Variants in LACTB2 observed in about 807,000 individuals in gnomAD.
The protein encoded by LACTB2 is endoribonuclease LACTB2.
Under a neutral mutation model 34.8 loss-of-function variants are expected in LACTB2, and 32 were observed. The ratio of observed to expected loss-of-function variants is 0.92; its 90% CI spans 0.69 to 1.24. The LOEUF (loss-of-function observed/expected upper bound fraction) is 1.24, where lower values mean the gene tolerates loss of function less well. Ranked by LOEUF, LACTB2 falls within the 50% of genes most tolerant of loss-of-function variation. LACTB2 has a pLI of 0.00. For synonymous variants in LACTB2, 120 were observed against 117.5 expected (o/e 1.02, Z -0.14); for missense variants, 320 against 345.0 (o/e 0.93, Z 0.57).
At chr8:70,665,078 TC>T (rs1818521144) in intron 1 of LACTB2, among the ~76,000 whole-genome samples, 1 of 152,210 alleles carries the variant, frequency 6.6e-6, no homozygotes, top group South Asian at 2.1e-4. Context: ...TATCAGTTTC[TC>T]CCTTAGCAAA....
At position 70,650,751 on chromosome 8, in the gene LACTB2, A is replaced by G. The variant is rs1042770645; in HGVS notation, c.414-6508T>C. ...ACTCCATCTCAAAAAAAAAAAAAAA[A>G]AAAAAAAGAAAAAAAAAGAAACAGA... On this transcript the variant is annotated intron_variant, in intron 3 of 6. Coordinates refer to ENST00000276590, the MANE Select transcript of LACTB2 (RefSeq NM_016027.3). 1.3e-4 allele frequency among the ~76,000 whole-genome samples: 19 copies of G among 148,788 alleles called. No homozygotes were observed. In the East Asian group the frequency reaches 2.7e-3, roughly 21 times the overall value.
In LACTB2 at chr8:70,637,904, C is replaced by A; in HGVS notation, c.824-1G>T. 1.3e-6 allele frequency: 2 copies of A among 1,530,090 alleles called. No homozygotes were observed. The highest frequency in any genetic ancestry group is 1.9e-5 in the Admixed American group (1 of 51,582). The allele number at this position is 1,530,090 out of a possible 1,614,324, so 94.8% of individuals were successfully genotyped here. On this transcript the variant is annotated splice_acceptor_variant, in intron 6 of 6. Coordinates refer to ENST00000276590, the MANE Select transcript of LACTB2 (RefSeq NM_016027.3). LOFTEE classifies it high-confidence loss of function. Reference sequence around the variant, plus strand: ...TTCTTGTCAGGATCTGTGTTGCTAACTGTAAAAAGAAAATCAGAGAGTAAA... The same window carrying A: ...TTCTTGTCAGGATCTGTGTTGCTAAATGTAAAAAGAAAATCAGAGAGTAAA...
At chr8:70,650,198 A>G (rs1818321143) in intron 3 of LACTB2, among the ~76,000 whole-genome samples, 1 of 152,162 alleles carries the variant, frequency 6.6e-6, no homozygotes, top group African/African-American at 2.4e-5. Flanking sequence ...TTAATTTAGA[A>G]TACAAAACTC....
chr8:70,653,055 A>G (rs1388418754), intron 3 of LACTB2, among the ~76,000 whole-genome samples: 2 of 152,132 alleles, frequency 1.3e-5, no homozygotes, highest in Non-Finnish European at 2.9e-5. Flanking sequence ...GTAATATAAC[A>G]TTTGTTTTCC....
chr8:70,660,445 T>C (rs543493501), intron 2 of LACTB2: 2 of 367,424 alleles, frequency 5.4e-6, no homozygotes, highest in Non-Finnish European at 1.1e-5. Context: ...TTTTTATAAC[T>C]GGCAGCCTGG....
intron 2 of LACTB2, among the ~76,000 whole-genome samples, chr8:70,659,002 G>A (rs1013999145): frequency 1.3e-5 from 2 of 151,958 alleles, no homozygotes; most frequent in Non-Finnish European, 1.5e-5. Context: ...ATTCCAGGCC[G>A]AGCGACAGTG....
chr8:70,642,519 T>C (rs1345077106), intron 4 of LACTB2, among the ~76,000 whole-genome samples: 1 of 151,432 alleles, frequency 6.6e-6, no homozygotes, highest in African/African-American at 2.4e-5. Flanking sequence ...TTTTTTTTTT[T>C]TTGAGAAGGA....
intron 4 of LACTB2, 96 bp downstream of exon 4, chr8:70,643,969 T>C: frequency 7.9e-7 from 1 of 1,259,554 alleles, no homozygotes; most frequent in Non-Finnish European, 1.0e-6. Context: ...GGAGGACTGC[T>C]TGAGGTCAGG....
chr8:70,638,460 G>A lies in LACTB2; in HGVS notation c.823+88C>T, dbSNP rs1818150906. ...GTGATATTCATGGGAGAACTCTGAT[G>A]GGTATTATTTTTCCTCAAAGGAAAC... On this transcript the variant is annotated intron_variant, in intron 6 of 6. Coordinates refer to ENST00000276590, the MANE Select transcript of LACTB2 (RefSeq NM_016027.3). The A allele has an allele frequency of 1.3e-5, 18 of 1,334,482 alleles. No homozygotes were observed. In the South Asian group the frequency reaches 2.5e-4, roughly 19 times the overall value. The allele number at this position is 1,334,482 out of a possible 1,614,324, so 82.7% of individuals were successfully genotyped here. A position where few individuals can be genotyped will look rare whatever the true frequency, so the allele number is the denominator to read the frequency against.
At chr8:70,650,807 GA>G (rs1013220668) in intron 3 of LACTB2, among the ~76,000 whole-genome samples, 22 of 118,668 alleles carry the variant, frequency 1.9e-4, no homozygotes, top group African/African-American at 6.9e-4. Flanking sequence ...GGTACAAAAA[GA>G]AAAATACTAC....
Position 70,665,030 on chromosome 8 carries a change from G to GA in LACTB2, c.123-3134dup, listed in dbSNP as rs540427652. Among the ~76,000 whole-genome samples the GA allele has an allele frequency of 6.4e-3, 980 of 152,142 alleles. 7 individuals are homozygous for GA. Among genetic ancestry groups the GA allele is most frequent in the Non-Finnish European group, 0.011 (749 of 67,984 alleles). On this transcript the variant is annotated intron_variant, in intron 1 of 6. Coordinates refer to ENST00000276590, the MANE Select transcript of LACTB2 (RefSeq NM_016027.3). ...AAAATAAAACTTCAGCTATACATTTGAAAAAACTGTTATCAGTTTTGAAAT... is the reference window on the plus strand; with the variant it reads ...AAAATAAAACTTCAGCTATACATTTGAAAAAAACTGTTATCAGTTTTGAAAT...
chr8:70,659,816 G>C lies in LACTB2; in HGVS notation c.286+1918C>G, dbSNP rs1466618283. Among the ~76,000 whole-genome samples the C allele has an allele frequency of 2.0e-5, 3 of 152,198 alleles. No homozygotes were observed. The East Asian group carries it at 5.8e-4, about 29-fold the overall frequency. ...TGAAAACACATATCCTATTTGAGTG[G>C]TTGTTGGAGGCTGGGGATGGGGGAA... On this transcript the variant is annotated intron_variant, in intron 2 of 6. Coordinates refer to ENST00000276590, the MANE Select transcript of LACTB2 (RefSeq NM_016027.3).
chr8:70,650,250 A>C (rs1818322042), intron 3 of LACTB2, among the ~76,000 whole-genome samples: 1 of 151,286 alleles, frequency 6.6e-6, no homozygotes, highest in African/African-American at 2.4e-5. Context: ...TATAAAAAGT[A>C]GTATACAGAA....
intron 1 of LACTB2, among the ~76,000 whole-genome samples, chr8:70,664,617 T>C (rs1371951049): frequency 6.6e-6 from 1 of 152,024 alleles, no homozygotes; most frequent in Admixed American, 6.6e-5. Flanking sequence ...ATTAATACAA[T>C]CTATTCAGAA....
chr8:70,640,771 C>T (rs1165094102), intron 5 of LACTB2, 131 bp downstream of exon 5: 6 of 1,084,864 alleles, frequency 5.5e-6, no homozygotes, highest in Non-Finnish European at 7.4e-6. Flanking sequence ...AAAGTTTAGG[C>T]TGCTGGTCTC....
chr8:70,644,217 TCAGTGTGGC>T lies in LACTB2; in HGVS notation c.431_439del (p.Gly144_Thr146del), dbSNP rs561918644. On this transcript the variant is annotated inframe_deletion, in exon 4 of 7. Coordinates refer to ENST00000276590, the MANE Select transcript of LACTB2 (RefSeq NM_016027.3). Reference sequence around the variant, plus strand: ...TTCTAAGAGTAGAGCCATGTGATCATCAGTGTGGCCAGGGGTATATAGAACTCTGGTTGA... The same window carrying T: ...TTCTAAGAGTAGAGCCATGTGATCATCAGGGGTATATAGAACTCTGGTTGA... 4.8e-3 allele frequency: 7,752 copies of T among 1,607,616 alleles called. 26 individuals are homozygous for T. Among genetic ancestry groups the T allele is most frequent in the Non-Finnish European group, 5.9e-3 (6,926 of 1,177,022 alleles).
chr8:70,648,156 C>G (rs1818287535), intron 3 of LACTB2, among the ~76,000 whole-genome samples: 1 of 152,202 alleles, frequency 6.6e-6, no homozygotes. Flanking sequence ...GATTATCCTA[C>G]AGTGAGGCCT....
At chr8:70,642,053 G>A (rs191619934) in intron 4 of LACTB2, among the ~76,000 whole-genome samples, 1 of 152,108 alleles carries the variant, frequency 6.6e-6, no homozygotes, top group African/African-American at 2.4e-5. Context: ...TTTAATATAT[G>A]GTAGCTATGG....
chr8:70,660,573 C>G (rs962522924), intron 2 of LACTB2: 10 of 455,834 alleles, frequency 2.2e-5, no homozygotes, highest in African/African-American at 2.0e-4. Context: ...TGTTCTTGAC[C>G]TCCTTACTGT....
Sources: gnomAD v4.1 joint callset for allele counts (sites outside exome capture counted in the v4.1 genomes callset) on GRCh38, gnomAD v4.1.1 for gene constraint, MANE v1.5 for transcripts, NCBI Gene and HGNC (gene_info 2026-07-23, HGNC 2026-07-21) for gene names.